The following RBFOX1 variants were observed in gnomAD, a reference collection of about 807,000 sequenced individuals.
RBFOX1 encodes the protein RNA binding fox-1 homolog 1.
Under a neutral mutation model 57.7 loss-of-function variants are expected in RBFOX1, and 8 were observed. The ratio of observed to expected loss-of-function variants is 0.14; its 90% confidence interval spans 0.08 to 0.25. The LOEUF (loss-of-function observed/expected upper bound fraction) is 0.25. Ranked by LOEUF, RBFOX1 falls within the 10% of genes least tolerant of loss-of-function variation. The pLI, the probability that RBFOX1 is intolerant of heterozygous loss-of-function variation, is 1.00. For missense variants in RBFOX1, 611 were observed against 548.5 expected, an observed-to-expected ratio of 1.11 and a Z score of -1.14; for synonymous variants, 326 against 222.4, an observed-to-expected ratio of 1.47 and a Z score of -4.15.
rs4480806 is a variant in RBFOX1 at position 5,509,655 on chromosome 16, G to T, written c.258+42401G>T. ...GGGAAGGCATTTCCAGTATCACCAC[G>T]CAGACAGTGGATTGGAGCGGCAAGA... On this transcript the variant is annotated intron_variant, in intron 2 of 2. Coordinates refer to the RBFOX1 transcript ENST00000585867. Among the ~76,000 whole-genome samples the T allele has an allele frequency of 5.9e-3, 897 of 152,088 alleles. 4 individuals carry two copies. The highest frequency in any genetic ancestry group is 0.02 in the African/African-American group (816 of 41,482).
chr16:6,730,386 G>T (rs1236752064), intron 3 of RBFOX1, among the ~76,000 whole-genome samples: 1 of 150,116 alleles, frequency 6.7e-6, no homozygotes, highest in Non-Finnish European at 1.5e-5. Context: ...CTCTCTCTCT[G>T]TCTCTATCAT....
intron 1 of RBFOX1, among the ~76,000 whole-genome samples, chr16:6,310,556 T>C (rs1306179332): frequency 7.2e-6 from 1 of 138,472 alleles, no homozygotes; most frequent in Non-Finnish European, 1.7e-5. Context: ...ATTATACCCA[T>C]TCTATGGACA....
chr16:7,324,669 A>G (rs2096588327), intron 4 of RBFOX1, among the ~76,000 whole-genome samples: 1 of 152,188 alleles, frequency 6.6e-6, no homozygotes, highest in African/African-American at 2.4e-5. Flanking sequence ...ATGAACCAAG[A>G]GGAGCATGGT....
At chr16:7,165,992 T>C (rs920253045) in intron 4 of RBFOX1, among the ~76,000 whole-genome samples, 8 of 140,774 alleles carry the variant, frequency 5.7e-5, no homozygotes, top group Non-Finnish European at 1.3e-4. Flanking sequence ...CAGATTTCCT[T>C]TGAAGGAGTG....
At chr16:6,472,193 G>C (rs904963318) in intron 2 of RBFOX1, among the ~76,000 whole-genome samples, 2 of 152,200 alleles carry the variant, frequency 1.3e-5, no homozygotes, top group African/African-American at 4.8e-5. Context: ...TGACCAGGTA[G>C]GGGCATGTGT....
intron 1 of RBFOX1, among the ~76,000 whole-genome samples, chr16:5,430,928 T>C (rs1488747837): frequency 6.6e-6 from 1 of 152,174 alleles, no homozygotes; most frequent in East Asian, 1.9e-4. Flanking sequence ...TCCTACATAC[T>C]TCAGTGGGGA....
intron 4 of RBFOX1, among the ~76,000 whole-genome samples, chr16:7,274,431 A>G (rs1012634113): frequency 1.3e-5 from 2 of 152,136 alleles, no homozygotes; most frequent in South Asian, 2.1e-4. Flanking sequence ...CACACCACAC[A>G]CACATACACA....
chr16:5,381,987 A>C (rs937111428), intron 1 of RBFOX1, among the ~76,000 whole-genome samples: 1 of 152,228 alleles, frequency 6.6e-6, no homozygotes, highest in South Asian at 2.1e-4. Flanking sequence ...TACTCAGTGG[A>C]CGTCAGTAGC....
At chr16:7,403,129 C>A (rs755623346) in intron 4 of RBFOX1, among the ~76,000 whole-genome samples, 2 of 152,102 alleles carry the variant, frequency 1.3e-5, no homozygotes, top group Non-Finnish European at 2.9e-5. Context: ...AAATTATGTA[C>A]ATTTAAGGTA....
At chr16:5,897,786 C>G (rs962275772) in intron 4 of RBFOX1, among the ~76,000 whole-genome samples, 4 of 151,860 alleles carry the variant, frequency 2.6e-5, no homozygotes, top group Middle Eastern at 3.4e-3. Flanking sequence ...GAGCATCTCT[C>G]AAGACAGCCA....
chr16:6,758,774 T>A (rs919037582), intron 3 of RBFOX1, among the ~76,000 whole-genome samples: 2 of 152,164 alleles, frequency 1.3e-5, no homozygotes, highest in East Asian at 1.9e-4. Context: ...AAAACTTGCA[T>A]CATGGGGTTG....
In RBFOX1 at chr16:5,824,903, A is replaced by G. The variant is rs2055981622; in HGVS notation, c.319-42400A>G. ...TACTTTCCTGGGGGACTCCAGTGAC[A>G]TAACTAGATGTTTCATACTGGCTTG... On this transcript the variant is annotated intron_variant, in intron 3 of 19. Coordinates refer to the RBFOX1 transcript ENST00000641259. 4.6e-5 allele frequency among the ~76,000 whole-genome samples: 7 copies of G among 152,314 alleles called. 1 individual carries two copies. The South Asian group carries it at 1.4e-3, about 32-fold the overall frequency.
At chr16:6,580,281 T>C (rs889585891) in intron 2 of RBFOX1, among the ~76,000 whole-genome samples, 1 of 152,208 alleles carries the variant, frequency 6.6e-6, no homozygotes, top group African/African-American at 2.4e-5. Flanking sequence ...TTTAAGGGTT[T>C]ATGTTGTTTG....
chr16:7,484,698 A>G (rs1336243555), intron 4 of RBFOX1, among the ~76,000 whole-genome samples: 1 of 152,172 alleles, frequency 6.6e-6, no homozygotes, highest in Admixed American at 6.5e-5. Flanking sequence ...TCCTGGCCTC[A>G]GGTGATCCGC....
intron 4 of RBFOX1, among the ~76,000 whole-genome samples, chr16:7,269,030 C>G (rs1052529920): frequency 1.6e-5 from 2 of 123,592 alleles, no homozygotes; most frequent in Non-Finnish European, 3.2e-5. Flanking sequence ...GAGTGAGACT[C>G]CATCTTCCAT....
intron 3 of RBFOX1, among the ~76,000 whole-genome samples, chr16:6,849,563 A>G (rs887452944): frequency 6.6e-6 from 1 of 152,148 alleles, no homozygotes; most frequent in South Asian, 2.1e-4. Flanking sequence ...CAGCTACTCC[A>G]CAGGCTGAGA....
Position 5,539,467 on chromosome 16 carries a change from C to CAA in RBFOX1, c.259-59427_259-59426dup, listed in dbSNP as rs57228119. On this transcript the variant is annotated intron_variant, in intron 2 of 2. Transcript: ENST00000585867. ...ATTAGCCGGGTGTAGTGGAAAAATA[C>CAA]AAAAAAAAACACTTGTAATCCCAGC... Among the ~76,000 whole-genome samples the CAA allele has an allele frequency of 2.1e-3, 320 of 149,778 alleles. 3 individuals carry two copies. Among genetic ancestry groups the CAA allele is most frequent in the Middle Eastern group, 0.01 (3 of 290 alleles).
chr16:6,075,175 C>T (rs1024822381), intron 1 of RBFOX1, among the ~76,000 whole-genome samples: 3 of 152,168 alleles, frequency 2.0e-5, no homozygotes, highest in South Asian at 2.1e-4. Flanking sequence ...ACGTCAGACA[C>T]GAAGCATGGA....
chr16:6,533,697 T>A (rs1055173650), intron 2 of RBFOX1, among the ~76,000 whole-genome samples: 1 of 152,054 alleles, frequency 6.6e-6, no homozygotes, highest in Admixed American at 6.6e-5. Context: ...TTAACTCAGA[T>A]CCATGTTTTC....
Sources: allele counts gnomAD v4.1 joint callset (sites outside exome capture counted in the v4.1 genomes callset), GRCh38; gene constraint gnomAD v4.1.1; transcripts MANE v1.5; gene names NCBI Gene and HGNC (gene_info 2026-07-23, HGNC 2026-07-21).